CPEB3: variants seen among roughly 807,000 people sequenced by gnomAD.
CPEB3 encodes the protein cytoplasmic polyadenylation element binding protein 3, also known as cytoplasmic polyadenylation element-binding protein 3.
Under a neutral mutation model 67.2 loss-of-function variants are expected in CPEB3, and 20 were observed. The observed-to-expected ratio is 0.30, with a 90% CI of 0.21 to 0.43. The LOEUF (loss-of-function observed/expected upper bound fraction) is 0.43. Among genes scored for constraint, CPEB3 ranks in the 20% least tolerant of loss-of-function variants. CPEB3 has a pLI of 1.00. For missense variants in CPEB3, 746 were observed against 968.6 expected, an observed-to-expected ratio of 0.77 and a Z score of 3.05; for synonymous variants, 376 against 393.1, an observed-to-expected ratio of 0.96 and a Z score of 0.51.
intron 2 of CPEB3, among the ~76,000 whole-genome samples, chr10:92,207,313 C>T (rs1849839287): frequency 6.6e-6 from 1 of 152,106 alleles, no homozygotes; most frequent in Non-Finnish European, 1.5e-5. Context: ...ACACACACCA[C>T]ATACTAGGCT....
chr10:92,272,215 T>C (rs1323928511), intron 1 of CPEB3: 2 of 152,110 alleles, frequency 1.3e-5, no homozygotes, highest in African/African-American at 2.4e-5. Context: ...CTGTAACTGA[T>C]TGTGAACTCA....
At chr10:92,116,374 A>G (rs184794955) in intron 6 of CPEB3, among the ~76,000 whole-genome samples, 1 of 152,154 alleles carries the variant, frequency 6.6e-6, no homozygotes, top group Admixed American at 6.5e-5. Flanking sequence ...AGTTACTTGA[A>G]TGACAGGCTG....
intron 9 of CPEB3, among the ~76,000 whole-genome samples, chr10:92,061,046 G>A (rs925321504): frequency 3.9e-5 from 6 of 152,116 alleles, no homozygotes; most frequent in Non-Finnish European, 8.8e-5. Flanking sequence ...TCAGTCTATC[G>A]AAGAGATATC....
intron 2 of CPEB3, among the ~76,000 whole-genome samples, chr10:92,237,446 T>C (rs556118753): frequency 6.6e-6 from 1 of 152,372 alleles, no homozygotes; most frequent in African/African-American, 2.4e-5. Flanking sequence ...CATTGGTGAA[T>C]GGTTTGCTGT....
intron 1 of CPEB3, among the ~76,000 whole-genome samples, chr10:92,257,019 A>C (rs1852545233): frequency 6.6e-6 from 1 of 152,210 alleles, no homozygotes; most frequent in Non-Finnish European, 1.5e-5. Context: ...TTGAAATGTA[A>C]AGCACTTCTT....
chr10:92,085,648 G>A (rs1329274969), intron 8 of CPEB3, among the ~76,000 whole-genome samples: 3 of 151,514 alleles, frequency 2.0e-5, no homozygotes, highest in South Asian at 2.1e-4. Flanking sequence ...TCGCTCTATC[G>A]CTCAGGCTGG....
At chr10:92,171,765 C>G (rs1194710086) in intron 4 of CPEB3, among the ~76,000 whole-genome samples, 1 of 152,120 alleles carries the variant, frequency 6.6e-6, no homozygotes, top group Non-Finnish European at 1.5e-5. Context: ...CAGGAATGCA[C>G]CACCATGCCT....
chr10:92,244,480 T>C (rs1320779867), intron 1 of CPEB3, among the ~76,000 whole-genome samples: 3 of 151,602 alleles, frequency 2.0e-5, no homozygotes, highest in East Asian at 3.9e-4. Flanking sequence ...CTCTGTTGCC[T>C]AGGCTGGAGT....
At chr10:92,259,024 G>A in intron 1 of CPEB3, among the ~76,000 whole-genome samples, 1 of 151,292 alleles carries the variant, frequency 6.6e-6, no homozygotes, top group South Asian at 2.1e-4. Context: ...ATGCAGTGGT[G>A]CAATCTCAGC....
intron 4 of CPEB3, among the ~76,000 whole-genome samples, chr10:92,149,343 T>C (rs1167308158): frequency 6.6e-6 from 1 of 152,244 alleles, no homozygotes; most frequent in Non-Finnish European, 1.5e-5. Context: ...CCATAACTTC[T>C]ATTACTTCCA....
chr10:92,204,137 C>G (rs1019428511), intron 2 of CPEB3: 1 of 152,128 alleles, frequency 6.6e-6, no homozygotes, highest in Admixed American at 6.6e-5. Flanking sequence ...GCTACAGCAT[C>G]TCCCTAGAAG....
intron 6 of CPEB3, among the ~76,000 whole-genome samples, chr10:92,125,914 G>A (rs1845592000): frequency 6.6e-6 from 1 of 152,048 alleles, no homozygotes; most frequent in Non-Finnish European, 1.5e-5. Context: ...TGCAGAGATG[G>A]CGTTTCACCA....
intron 2 of CPEB3, among the ~76,000 whole-genome samples, chr10:92,223,303 C>T (rs182682273): frequency 1.6e-4 from 24 of 152,306 alleles, no homozygotes; most frequent in Non-Finnish European, 3.4e-4. Flanking sequence ...CACACAAAAG[C>T]ATGGGTGGGT....
At position 92,276,197 on chromosome 10, in the gene CPEB3, T is replaced by C. The variant is rs555358688; in HGVS notation, c.-12+14729A>G. On this transcript the variant is annotated intron_variant, in intron 1 of 9. Transcript: ENST00000265997. ...ATTCCGTTGTATGGACATTCCACAT[T>C]TTATCCATTCATCAGTTGATGGACA... is the stretch of plus-strand genomic sequence containing the variant. Among the ~76,000 whole-genome samples the C allele has an allele frequency of 9.3e-4, 142 of 152,172 alleles. 1 individual carries two copies. In the Middle Eastern group the frequency reaches 0.01, roughly 11 times the overall value.
chr10:92,155,757 A>C (rs1310986639), intron 4 of CPEB3, among the ~76,000 whole-genome samples: 1 of 152,204 alleles, frequency 6.6e-6, no homozygotes, highest in African/African-American at 2.4e-5. Flanking sequence ...AAGTCATTCT[A>C]GGAAATATTT....
Position 92,239,559 on chromosome 10 carries a change from C to T in CPEB3, c.792G>A (p.Ala264=), listed in dbSNP as rs1851714668. The change falls in exon 2 of 10, where the codon GCG becomes GCA. Residue 264 remains alanine, a synonymous_variant. Transcript: ENST00000265997. The surrounding 1 kb of genome is among the most constrained non-coding windows in gnomAD (Gnocchi z 6.0). ...APSNPWGGLQ[A]GRDPRRAVGV... The stretch of plus-strand genomic sequence containing the variant: ...CGACCGCCCGGCGAGGGTCCCGGCC[C>T]GCCTGCAGGCCGCCCCAGGGGTTGG... 3 of 1,555,498 alleles carry T rather than the reference C, an allele frequency of 1.9e-6. No homozygotes were observed. The highest frequency in any genetic ancestry group is 2.4e-5 in the South Asian group (2 of 84,692).
At chr10:92,205,833 T>C (rs1425119030) in intron 2 of CPEB3, among the ~76,000 whole-genome samples, 2 of 152,098 alleles carry the variant, frequency 1.3e-5, no homozygotes, top group African/African-American at 4.8e-5. Flanking sequence ...ACACAAATTA[T>C]GTGTTATGTA....
At chr10:92,156,809 G>A (rs1333855691) in intron 4 of CPEB3, among the ~76,000 whole-genome samples, 1 of 152,190 alleles carries the variant, frequency 6.6e-6, no homozygotes, top group East Asian at 1.9e-4. Context: ...AAAAGCAAAA[G>A]GACTGTATGA....
intron 6 of CPEB3, among the ~76,000 whole-genome samples, chr10:92,126,010 C>G (rs1845595989): frequency 6.6e-6 from 1 of 152,176 alleles, no homozygotes; most frequent in Non-Finnish European, 1.5e-5. Context: ...AGGCATGAAC[C>G]ACCACACCTG....
Sources: allele counts gnomAD v4.1 joint callset (sites outside exome capture counted in the v4.1 genomes callset), GRCh38; gene constraint gnomAD v4.1.1; non-coding constraint Gnocchi (gnomAD v3.1); transcripts MANE v1.5; gene names NCBI Gene and HGNC (gene_info 2026-07-23, HGNC 2026-07-21).